LRFN5: variants seen among roughly 807,000 people sequenced by gnomAD.
LRFN5 encodes the protein leucine rich repeat and fibronectin type III domain containing 5.
A neutral mutation model predicts 45.6 loss-of-function variants in LRFN5; 24 were observed. The ratio of observed to expected loss-of-function variants is 0.53; its 90% CI spans 0.38 to 0.74. The LOEUF is 0.74. Among genes scored for constraint, LRFN5 ranks in the 30% least tolerant of loss-of-function variants. The pLI is 0.00. For missense variants in LRFN5, 776 were observed against 861.5 expected, an observed-to-expected ratio of 0.90 and a Z score of 1.24; for synonymous variants, 340 against 313.8, an observed-to-expected ratio of 1.08 and a Z score of -0.88.
chr14:41,760,167 G>A (rs572020777), intron 1 of LRFN5, among the ~76,000 whole-genome samples: 43 of 152,138 alleles, frequency 2.8e-4, no homozygotes, highest in African/African-American at 8.9e-4. Context: ...GTAAAAATAC[G>A]GAAAAGTTCA....
intron 2 of LRFN5, among the ~76,000 whole-genome samples, chr14:41,846,955 T>TA (rs1253442657): frequency 2.6e-5 from 4 of 152,160 alleles, no homozygotes; most frequent in African/African-American, 9.7e-5. Context: ...CTATTAACTT[T>TA]ACTTCCATCT....
intron 1 of LRFN5, among the ~76,000 whole-genome samples, chr14:41,643,711 CCACA>C (rs149767883): frequency 0.046 from 6,938 of 149,514 alleles, 516 homozygotes; most frequent in African/African-American, 0.16. Flanking sequence ...CATAAACACA[CCACA>C]CACACACACA....
chr14:41,757,572 T>C (rs1362326788), intron 1 of LRFN5, among the ~76,000 whole-genome samples: 1 of 152,190 alleles, frequency 6.6e-6, no homozygotes, highest in Non-Finnish European at 1.5e-5. Flanking sequence ...TGGGATATAA[T>C]CTTCTGGTGT....
chr14:41,689,738 C>CA (rs564543191), intron 1 of LRFN5, among the ~76,000 whole-genome samples: 1 of 150,284 alleles, frequency 6.7e-6, no homozygotes. Flanking sequence ...ACTAAAAATA[C>CA]AAAAAAATTA....
chr14:41,660,095 G>T (rs80290738), intron 1 of LRFN5, among the ~76,000 whole-genome samples: 3,587 of 152,024 alleles, frequency 0.024, 130 homozygotes, highest in African/African-American at 0.082. Context: ...GCATGATCTT[G>T]GCTCGCTGCA....
At chr14:41,642,822 G>A (rs1292798947) in intron 1 of LRFN5, among the ~76,000 whole-genome samples, 1 of 152,110 alleles carries the variant, frequency 6.6e-6, no homozygotes, top group South Asian at 2.1e-4. Flanking sequence ...GGCTAAATAA[G>A]ATGTCCAGTT....
intron 2 of LRFN5, among the ~76,000 whole-genome samples, chr14:41,856,472 T>G (rs17112334): frequency 0.13 from 19,462 of 151,504 alleles, 1,364 homozygotes; most frequent in East Asian, 0.26. Context: ...CGTCAAGGAG[T>G]TAAAGCCCTG....
intron 2 of LRFN5, among the ~76,000 whole-genome samples, chr14:41,870,377 C>A (rs1229343832): frequency 6.6e-6 from 1 of 152,100 alleles, no homozygotes; most frequent in African/African-American, 2.4e-5. Context: ...AAGATATACT[C>A]CAGATTGGGT....
intron 1 of LRFN5, among the ~76,000 whole-genome samples, chr14:41,715,023 A>T (rs1447880684): frequency 6.6e-6 from 1 of 152,194 alleles, no homozygotes; most frequent in Non-Finnish European, 1.5e-5. Flanking sequence ...GTTTTATAAA[A>T]TGGTGGTGGT....
At chr14:41,861,193 A>G (rs1020885185) in intron 2 of LRFN5, among the ~76,000 whole-genome samples, 1 of 152,142 alleles carries the variant, frequency 6.6e-6, no homozygotes, top group African/African-American at 2.4e-5. Context: ...AAAACACCCT[A>G]TTTTTCATCA....
intron 1 of LRFN5, among the ~76,000 whole-genome samples, chr14:41,754,033 T>C (rs1885259699): frequency 6.6e-6 from 1 of 152,248 alleles, no homozygotes; most frequent in Non-Finnish European, 1.5e-5. Flanking sequence ...ATGTGGTTTC[T>C]GTCTTTGGTT....
At chr14:41,650,163 G>C (rs1052611532) in intron 1 of LRFN5, among the ~76,000 whole-genome samples, 8 of 151,192 alleles carry the variant, frequency 5.3e-5, no homozygotes, top group African/African-American at 1.9e-4. Context: ...GGGAGGCTGA[G>C]GTGATAGATT....
At position 41,840,776 on chromosome 14, in the gene LRFN5, AAT is replaced by A. The variant is rs1223680792; in HGVS notation, c.-20-45829_-20-45828del. ...AAAATAATTCTAAACATTGTTCTTT[AAT>A]TTTTATCCAGTTAGCTCCTGTTGAT... On this transcript the variant is annotated intron_variant, in intron 2 of 5. Coordinates refer to ENST00000298119, the MANE Select transcript of LRFN5 (RefSeq NM_152447.5). Among the ~76,000 whole-genome samples the A allele has an allele frequency of 2.0e-5, 3 of 152,070 alleles. No homozygotes were observed. The East Asian group carries it at 5.8e-4, about 29-fold the overall frequency.
chr14:41,623,248 G>T (rs951446100), intron 1 of LRFN5, among the ~76,000 whole-genome samples: 1 of 152,074 alleles, frequency 6.6e-6, no homozygotes, highest in Non-Finnish European at 1.5e-5. Flanking sequence ...GTTAGACTTT[G>T]TGTCCCCACC....
At chr14:41,888,985 ATGTGTGTATGTATACACATATATATATG>A (rs1176411236) in intron 3 of LRFN5, among the ~76,000 whole-genome samples, 1 of 136,400 alleles carries the variant, frequency 7.3e-6, no homozygotes, top group African/African-American at 2.6e-5. Flanking sequence ...GTGTATGTAT[ATGTGTGTATGTATACACATATATATATG>A]TGTGTGTATA....
In LRFN5 at chr14:41,615,017, G is replaced by A. The variant is rs79571865; in HGVS notation, c.-197+6455G>A. On this transcript the variant is annotated intron_variant, in intron 1 of 5. Coordinates refer to ENST00000298119, the MANE Select transcript of LRFN5 (RefSeq NM_152447.5). Reference sequence around the variant, plus strand: ...TCTAGCTGAGTTTAAGAAATCGTAGGCTGTATTTCTAATACTCTGGAGAAT... The same window carrying A: ...TCTAGCTGAGTTTAAGAAATCGTAGACTGTATTTCTAATACTCTGGAGAAT... Among the ~76,000 whole-genome samples the A allele has an allele frequency of 9.1e-3, 1,380 of 152,114 alleles. 6 individuals carry two copies. Among genetic ancestry groups the A allele is most frequent in the East Asian group, 0.015 (75 of 5,168 alleles).
chr14:41,859,842 T>A (rs186295442), intron 2 of LRFN5, among the ~76,000 whole-genome samples: 1 of 152,326 alleles, frequency 6.6e-6, no homozygotes, highest in Non-Finnish European at 1.5e-5. Flanking sequence ...GTCATCACAC[T>A]GAAAGTATCA....
At chr14:41,705,741 T>C (rs1883037279) in intron 1 of LRFN5, among the ~76,000 whole-genome samples, 1 of 152,234 alleles carries the variant, frequency 6.6e-6, no homozygotes, top group African/African-American at 2.4e-5. Context: ...TGGTATTTTA[T>C]ATACAGGGTT....
chr14:41,731,402 A>G (rs1425610393), intron 1 of LRFN5: 12 of 152,126 alleles, frequency 7.9e-5, no homozygotes. Flanking sequence ...GTCTTGTGCT[A>G]ACTCTTCACT....
Sources: gnomAD v4.1 joint callset for allele counts (sites outside exome capture counted in the v4.1 genomes callset) on GRCh38, gnomAD v4.1.1 for gene constraint, MANE v1.5 for transcripts, NCBI Gene and HGNC (gene_info 2026-07-23, HGNC 2026-07-21) for gene names.